PLEKHA8: variants seen among roughly 807,000 people sequenced by gnomAD.
PLEKHA8 encodes pleckstrin homology domain containing A8, also known as pleckstrin homology domain-containing family A member 8.
In PLEKHA8, 36 loss-of-function variants were observed where a neutral mutation model predicts 68.2. That is an observed-to-expected ratio of 0.53 (90% CI 0.40 to 0.70). The LOEUF is 0.70. Ranked by LOEUF, PLEKHA8 falls within the 30% of genes least tolerant of loss-of-function variation. The pLI, the probability that PLEKHA8 is intolerant of heterozygous loss-of-function variation, is 0.00. For missense variants in PLEKHA8, 505 were observed against 615.4 expected (o/e 0.82, Z 1.90); for synonymous variants, 211 against 216.1 (o/e 0.98, Z 0.20).
intron 13 of PLEKHA8, among the ~76,000 whole-genome samples, chr7:30,108,067 C>CAAAAAAAAA (rs796801365): frequency 1.1e-4 from 6 of 52,826 alleles, no homozygotes; most frequent in African/African-American, 4.4e-4. Context: ...AACTCCATCT[C>CAAAAAAAAA]AAAAAAAAAA....
intron 1 of PLEKHA8, among the ~76,000 whole-genome samples, chr7:30,034,499 TA>T (rs1790911963): frequency 6.6e-6 from 1 of 152,164 alleles, no homozygotes; most frequent in Non-Finnish European, 1.5e-5. Context: ...CTTTAACAAT[TA>T]ACACATATGT....
Position 30,104,408 on chromosome 7 carries a change from C to A in PLEKHA8, c.1363-24858C>A, listed in dbSNP as rs111319584. On this transcript the variant is annotated intron_variant, in intron 13 of 13. Transcript: ENST00000396257. ...TACATTCTGCCTATCTGTTGATAGG[C>A]AAACTGTGGTTTGTCTCTTCACTTT... 3.5e-4 allele frequency among the ~76,000 whole-genome samples: 54 copies of A among 152,274 alleles called. 1 individual carries two copies. The highest frequency in any genetic ancestry group is 3.4e-3 in the Middle Eastern group (1 of 294).
Position 30,080,050 on chromosome 7 carries a change from G to T in PLEKHA8, c.*1263G>T. 1 of 985,348 alleles carries T rather than the reference G, an allele frequency of 1.0e-6. No individual in the cohort carries two copies. Among genetic ancestry groups the T allele is most frequent in the Non-Finnish European group, 1.2e-6 (1 of 829,920 alleles). 61.0% of individuals were successfully genotyped at this position (985,348 alleles called of 1,614,324 possible). A position where few individuals can be genotyped will look rare whatever the true frequency, so the allele number is the denominator to read the frequency against. ...CCTTTGCATTGCATTCGGGGACCAT[G>T]ACTCTGAATCTGCTTACCAATCAAT... On this transcript the variant is annotated 3_prime_UTR_variant, in exon 14 of 14. Transcript: ENST00000449726.
chr7:30,112,903 A>T (rs1476230169), intron 13 of PLEKHA8, among the ~76,000 whole-genome samples: 1 of 103,568 alleles, frequency 9.7e-6, no homozygotes, highest in Non-Finnish European at 2.1e-5. Context: ...CTGTCTCTTT[A>T]AAAAAAAAAA....
rs146144133 is a variant in PLEKHA8, at chr7:30,115,262, C to T, written c.1363-14004C>T. Among the ~76,000 whole-genome samples the T allele has an allele frequency of 8.3e-3, 1,256 of 152,126 alleles. 20 individuals carry two copies. Among genetic ancestry groups the T allele is most frequent in the African/African-American group, 0.029 (1,202 of 41,494 alleles). Reference sequence around the variant, plus strand: ...TAAGAAAGTTAGGAGTCTCATTCCACCCTTTAAAAAAAGTATGATGTTAAT... The same window carrying T: ...TAAGAAAGTTAGGAGTCTCATTCCATCCTTTAAAAAAAGTATGATGTTAAT... On this transcript the variant is annotated intron_variant, in intron 13 of 13. Transcript: ENST00000396257.
chr7:30,076,092 A>G (rs982111248), intron 13 of PLEKHA8, among the ~76,000 whole-genome samples: 30 of 152,110 alleles, frequency 2.0e-4, no homozygotes, highest in African/African-American at 6.7e-4. Flanking sequence ...TGCATATAGT[A>G]TATGTGTATA....
intron 12 of PLEKHA8, among the ~76,000 whole-genome samples, chr7:30,068,779 TAAAG>T (rs1429954741): frequency 6.6e-6 from 1 of 152,210 alleles, no homozygotes; most frequent in Non-Finnish European, 1.5e-5. Flanking sequence ...TTGTACTTCT[TAAAG>T]AAATCCCTCT....
chr7:30,082,276 T>C lies in PLEKHA8; in HGVS notation c.*3489T>C. On this transcript the variant is annotated 3_prime_UTR_variant, in exon 14 of 14. Transcript: ENST00000449726. Reference sequence around the variant, plus strand: ...AGCGTTGTTGCTTTTCTCTCTTCTTTGCTACTGAAAATTGCCAGCAGTACC... The same window carrying C: ...AGCGTTGTTGCTTTTCTCTCTTCTTCGCTACTGAAAATTGCCAGCAGTACC... 2.0e-6 allele frequency: 2 copies of C among 985,528 alleles called. No homozygotes were observed. The highest frequency in any genetic ancestry group is 2.4e-6 in the Non-Finnish European group (2 of 829,986). 61.0% of individuals were successfully genotyped at this position (985,528 alleles called of 1,614,324 possible).
At chr7:30,092,820 T>C (rs1192531940), downstream of PLEKHA8, among the ~76,000 whole-genome samples, 1 of 152,190 alleles carries the variant, frequency 6.6e-6, no homozygotes, top group Non-Finnish European at 1.5e-5. Context: ...GACGATCCCT[T>C]TCCCCTAGGG....
At chr7:30,052,942 A>G in intron 7 of PLEKHA8, 76 bp downstream of exon 7, 2 of 1,252,428 alleles carry the variant, frequency 1.6e-6, no homozygotes, top group Non-Finnish European at 2.2e-6. Context: ...AATATCCATG[A>G]TAGGGATTAA....
chr7:30,074,604 G>T (rs1343329661), intron 13 of PLEKHA8, among the ~76,000 whole-genome samples: 2 of 152,096 alleles, frequency 1.3e-5, no homozygotes, highest in African/African-American at 2.4e-5. Flanking sequence ...ATGCATTCAG[G>T]TGATGAAGTC....
chr7:30,098,042 A>G (rs1273963064), intron 13 of PLEKHA8, among the ~76,000 whole-genome samples: 38 of 152,234 alleles, frequency 2.5e-4, no homozygotes, highest in Admixed American at 2.5e-3. Context: ...TTTCCTTCTA[A>G]CAGTCAGGAC....
chr7:30,058,216 C>T (rs984176852), intron 9 of PLEKHA8, among the ~76,000 whole-genome samples: 3 of 152,066 alleles, frequency 2.0e-5, no homozygotes, highest in African/African-American at 7.2e-5. Flanking sequence ...CCATTGTAGA[C>T]ATGTGAATAT....
chr7:30,061,753 T>C lies in PLEKHA8; in HGVS notation c.1099-144T>C, dbSNP rs1226401521. Reference sequence around the variant, plus strand: ...GAATTCTCCAAAACAAATACTATCATGAAAACATAAGGAAGAAGGTAATAG... The same window carrying C: ...GAATTCTCCAAAACAAATACTATCACGAAAACATAAGGAAGAAGGTAATAG... On this transcript the variant is annotated intron_variant, in intron 10 of 13. Coordinates refer to ENST00000449726, the MANE Select transcript of PLEKHA8 (RefSeq NM_001197026.2). The C allele has an allele frequency of 6.2e-6, 5 of 810,712 alleles. No individual in the cohort carries two copies. In the East Asian group the frequency reaches 1.1e-4, roughly 18 times the overall value. 50.2% of individuals were successfully genotyped at this position (810,712 alleles called of 1,614,324 possible).
chr7:30,122,403 C>T (rs1796709949), intron 13 of PLEKHA8, among the ~76,000 whole-genome samples: 1 of 152,136 alleles, frequency 6.6e-6, no homozygotes, highest in Admixed American at 6.5e-5. Context: ...ATGAATTCAC[C>T]CCCTTGCAAG....
At chr7:30,090,427 T>TA (rs1795370539) in exon 13 of PLEKHA8, 1 of 413,210 alleles carries the variant, frequency 2.4e-6, no homozygotes, top group African/African-American at 2.0e-5. Flanking sequence ...CAGAACATAA[T>TA]ACCTGAGTGC....
At chr7:30,122,741 A>C (rs1376801919) in intron 13 of PLEKHA8, among the ~76,000 whole-genome samples, 1 of 152,222 alleles carries the variant, frequency 6.6e-6, no homozygotes, top group East Asian at 1.9e-4. Flanking sequence ...GAAACTGATG[A>C]GCAGAAGCTG....
chr7:30,116,319 C>T (rs1048295037), intron 13 of PLEKHA8, among the ~76,000 whole-genome samples: 2 of 151,200 alleles, frequency 1.3e-5, no homozygotes, highest in African/African-American at 2.4e-5. Context: ...TATATACATA[C>T]ACATATGTGT....
At chr7:30,103,133 C>T (rs1048474964) in intron 13 of PLEKHA8, among the ~76,000 whole-genome samples, 2 of 152,040 alleles carry the variant, frequency 1.3e-5, no homozygotes, top group Non-Finnish European at 1.5e-5. Flanking sequence ...GGGGAATTAT[C>T]GTATAATGTT....
Sources: gnomAD v4.1 joint callset for allele counts (sites outside exome capture counted in the v4.1 genomes callset) on GRCh38, gnomAD v4.1.1 for gene constraint, MANE v1.5 for transcripts, NCBI Gene and HGNC (gene_info 2026-07-23, HGNC 2026-07-21) for gene names.